The following ZC3H12D variants were observed in gnomAD, a reference collection of about 807,000 sequenced individuals.
The protein encoded by ZC3H12D is zinc finger CCCH-type containing 12D.
ZC3H12D carries 11 observed loss-of-function variants against 24.2 expected under a neutral mutation model. The observed-to-expected ratio is 0.46, with a 90% CI of 0.29 to 0.75. The LOEUF (loss-of-function observed/expected upper bound fraction) is 0.75, where lower values mean the gene tolerates loss of function less well. Ranked by LOEUF, ZC3H12D falls within the 30% of genes least tolerant of loss-of-function variation. The pLI is 0.11. For missense variants in ZC3H12D, 740 were observed against 767.7 expected, an observed-to-expected ratio of 0.96 and a Z score of 0.43; for synonymous variants, 333 against 341.8, an observed-to-expected ratio of 0.97 and a Z score of 0.28.
rs369715531 is a variant in ZC3H12D at position 149,455,289 on chromosome 6, G to A, written c.680+1377C>T. 7.9e-5 allele frequency among the ~76,000 whole-genome samples: 12 copies of A among 152,254 alleles called. No homozygotes were observed. In the East Asian group the frequency reaches 1.4e-3, roughly 17 times the overall value. On this transcript the variant is annotated intron_variant, in intron 4 of 5. Coordinates refer to ENST00000409806, the MANE Select transcript of ZC3H12D (RefSeq NM_207360.3). ...CTTCCCCAGCCATAGCCATTCACTC[G>A]GTCATTCCTTTACAACTAGTTACTG...
At chr6:149,457,387 C>T (rs1433520496) in intron 3 of ZC3H12D, among the ~76,000 whole-genome samples, 3 of 152,186 alleles carry the variant, frequency 2.0e-5, no homozygotes, top group Admixed American at 6.5e-5. Context: ...TCCATCTTCT[C>T]CCACCATCCA....
At chr6:149,472,823 A>G (rs1210467615) in intron 2 of ZC3H12D, among the ~76,000 whole-genome samples, 1 of 152,196 alleles carries the variant, frequency 6.6e-6, no homozygotes, top group African/African-American at 2.4e-5. Context: ...AAGCATTCAA[A>G]GCCTTCCTTC....
Position 149,474,340 on chromosome 6 carries a change from G to A in ZC3H12D, c.204C>T (p.Asp68=), listed in dbSNP as rs553785110. Residue 68 remains aspartate, a synonymous_variant, in exon 2 of 6, where the codon GAC becomes GAT. Coordinates refer to ENST00000409806, the MANE Select transcript of ZC3H12D (RefSeq NM_207360.3). The stretch of plus-strand genomic sequence containing the variant: ...CTGTCCCCGGGCCACGCTGGGCAGA[G>A]TCCGGGACCCCACAGGAGCCCCGAG... ...LVPRGSCGVP[D]SAQRGPGTAL... 6 of 1,605,922 alleles carry A rather than the reference G, an allele frequency of 3.7e-6. No individual in the cohort carries two copies. Among genetic ancestry groups the A allele is most frequent in the East Asian group, 2.2e-5 (1 of 44,654 alleles).
In ZC3H12D at chr6:149,456,628, G is replaced by GGGGGC; in HGVS notation, c.680+37_680+38insGCCCC. ...TGCCTCGACCCCGGCCCCCCGCCCC[G>GGGGGC]CCGCCCCCCAGGGTGTCAGGACCCC... On this transcript the variant is annotated intron_variant, in intron 4 of 5. Coordinates refer to ENST00000409806, the MANE Select transcript of ZC3H12D (RefSeq NM_207360.3). This position sits in a 1 kb window ranked among gnomAD's most constrained non-coding sequence, Gnocchi z 4.3. 1.3e-6 allele frequency: 1 copy of GGGGGC among 787,346 alleles called. No homozygotes were observed. The allele number at this position is 787,346 out of a possible 1,614,324, so 48.8% of individuals were successfully genotyped here.
In ZC3H12D at chr6:149,450,310, T is replaced by C. The variant is rs1775868483; in HGVS notation, c.*373A>G. 4.7e-6 allele frequency: 1 copy of C among 213,562 alleles called. No homozygotes were observed. Among genetic ancestry groups the C allele is most frequent in the Admixed American group, 5.8e-5 (1 of 17,316 alleles). The allele number at this position is 213,562 out of a possible 1,614,324, so 13.2% of individuals were successfully genotyped here. ...AGGTAACAAGAGTTCAGACTCAGCC[T>C]GATGGCACAGGGTGCGCTTTGCCCT... On this transcript the variant is annotated 3_prime_UTR_variant, in exon 6 of 6. Coordinates refer to ENST00000409806, the MANE Select transcript of ZC3H12D (RefSeq NM_207360.3).
At chr6:149,465,353 CAA>C (rs10617394) in intron 2 of ZC3H12D, among the ~76,000 whole-genome samples, 51,108 of 125,820 alleles carry the variant, frequency 0.41, 9,273 homozygotes, top group African/African-American at 0.46. Context: ...GACTCTGTCT[CAA>C]AAAAAAAAAA....
chr6:149,484,095 C>T (rs898713344), intron 1 of ZC3H12D, among the ~76,000 whole-genome samples: 4 of 152,168 alleles, frequency 2.6e-5, no homozygotes, highest in South Asian at 2.1e-4. Flanking sequence ...ATCCACATCC[C>T]GGAGCAACTC....
At position 149,450,821 on chromosome 6, in the gene ZC3H12D, G is replaced by T; in HGVS notation, c.1446C>A (p.Arg482=). Residue 482 remains arginine (R), a synonymous_variant, in exon 6 of 6, where the codon CGC becomes CGA. Coordinates refer to ENST00000409806, the MANE Select transcript of ZC3H12D (RefSeq NM_207360.3). ...GCGGGAAGACGCTGTAGAGCGCGAT[G>T]CGAGCCCGGGCGCGCGCGTCCCCCT... ...DDEGDARARA[R]IALYSVFPRD... is the part of the protein sequence containing the mutation. 6.5e-7 allele frequency: 1 copy of T among 1,546,982 alleles called. No homozygotes were observed.
In ZC3H12D at chr6:149,474,249, C is replaced by G. The variant is rs762876662; in HGVS notation, c.295G>C (p.Val99Leu). The change falls in exon 2 of 6, where the codon GTG becomes CTG. Residue 99 changes from valine (V) to leucine (L), a missense_variant. Transcript: ENST00000409806. ...ATGAAGGGAAGCTACCTCATCGCCACGTTGCTGCCATCAATCACTATGGGT... is the reference window on the plus strand; with the variant it reads ...ATGAAGGGAAGCTACCTCATCGCCAGGTTGCTGCCATCAATCACTATGGGT... Reference protein sequence around the residue: ...LRPIVIDGSNVAMSHGNKETF... With the variant: ...LRPIVIDGSNLAMSHGNKETF... 1 of 1,481,176 alleles carries G rather than the reference C, an allele frequency of 6.8e-7. No individual in the cohort carries two copies. The highest frequency in any genetic ancestry group is 2.3e-5 in the East Asian group (1 of 42,922). The allele number at this position is 1,481,176 out of a possible 1,614,324, so 91.8% of individuals were successfully genotyped here.
rs368772466 is a variant in ZC3H12D at position 149,467,704 on chromosome 6, C to T, written c.306-5734G>A. ...AACTGAAGCAAAACAATGTGTCCAT[C>T]TCTCTGATCTAGGGGCAGCCCTCAA... On this transcript the variant is annotated intron_variant, in intron 2 of 5. Transcript: ENST00000409806. 1.1e-4 allele frequency among the ~76,000 whole-genome samples: 16 copies of T among 152,332 alleles called. No individual in the cohort carries two copies. The South Asian group carries it at 3.1e-3, about 30-fold the overall frequency.
At chr6:149,455,761 G>A (rs1051487806) in intron 4 of ZC3H12D, among the ~76,000 whole-genome samples, 2 of 152,114 alleles carry the variant, frequency 1.3e-5, no homozygotes, top group African/African-American at 4.8e-5. Context: ...TCTGGGCTGG[G>A]CTCAGTGGCT....
At chr6:149,454,162 C>T (rs1775943534) in intron 4 of ZC3H12D, among the ~76,000 whole-genome samples, 1 of 152,230 alleles carries the variant, frequency 6.6e-6, no homozygotes, top group African/African-American at 2.4e-5. Flanking sequence ...CCCTGATCTG[C>T]CCTTCTCTCC....
intron 2 of ZC3H12D, among the ~76,000 whole-genome samples, chr6:149,467,501 A>G (rs76104591): frequency 0.044 from 6,735 of 152,144 alleles, 357 homozygotes; most frequent in African/African-American, 0.12. Flanking sequence ...TGATCCTCCC[A>G]TGTTGGCCTC....
intron 2 of ZC3H12D, among the ~76,000 whole-genome samples, chr6:149,471,682 T>C (rs1204419341): frequency 6.6e-6 from 1 of 152,226 alleles, no homozygotes; most frequent in African/African-American, 2.4e-5. Context: ...GAAGGGGCCA[T>C]GAGCTGAGGA....
intron 2 of ZC3H12D, among the ~76,000 whole-genome samples, chr6:149,473,566 C>T (rs889450153): frequency 1.3e-5 from 2 of 152,184 alleles, no homozygotes; most frequent in African/African-American, 4.8e-5. Context: ...GGGCGTGAGG[C>T]TGGCATTCCC....
chr6:149,453,628 C>CA lies in ZC3H12D; in HGVS notation c.681-907dup, dbSNP rs200648272. 1.7e-4 allele frequency among the ~76,000 whole-genome samples: 26 copies of CA among 150,508 alleles called. No homozygotes were observed. The East Asian group carries it at 2.0e-3, about 11-fold the overall frequency. On this transcript the variant is annotated intron_variant, in intron 4 of 5. Coordinates refer to ENST00000409806, the MANE Select transcript of ZC3H12D (RefSeq NM_207360.3). ...GGATGACAGAGTGAGACTCCTTCTC[C>CA]AAAAAAAAAGAACTTCCCAGGTGAT...
chr6:149,469,763 C>T (rs1776215856), intron 2 of ZC3H12D, among the ~76,000 whole-genome samples: 1 of 152,126 alleles, frequency 6.6e-6, no homozygotes, highest in South Asian at 2.1e-4. Context: ...CATGTGGCAC[C>T]CTGAGGGCAT....
intron 2 of ZC3H12D, among the ~76,000 whole-genome samples, chr6:149,463,238 G>A (rs1194596076): frequency 2.6e-5 from 4 of 152,218 alleles, no homozygotes; most frequent in African/African-American, 9.7e-5. Context: ...GGAGGGCAAT[G>A]CCCTTCAAAT....
chr6:149,476,034 C>G (rs1276607939), intron 1 of ZC3H12D, among the ~76,000 whole-genome samples: 3 of 152,198 alleles, frequency 2.0e-5, no homozygotes, highest in Non-Finnish European at 4.4e-5. Context: ...CTCCTACACA[C>G]CCCAAACCCA....
Sources: allele counts gnomAD v4.1 joint callset (sites outside exome capture counted in the v4.1 genomes callset), GRCh38; gene constraint gnomAD v4.1.1; non-coding constraint Gnocchi (gnomAD v3.1); transcripts MANE v1.5; gene names NCBI Gene and HGNC (gene_info 2026-07-23, HGNC 2026-07-21).